KRT24: variants seen among roughly 807,000 people sequenced by gnomAD.
KRT24 encodes keratin 24.
In KRT24, 44 loss-of-function variants were observed where a neutral mutation model predicts 51.7. The ratio of observed to expected loss-of-function variants is 0.85; its 90% CI spans 0.67 to 1.09. KRT24 has a LOEUF of 1.09. Ranked by LOEUF, KRT24 falls within the 50% of genes least tolerant of loss-of-function variation. The pLI is 0.00. For synonymous variants in KRT24, 241 were observed against 249.5 expected, an observed-to-expected ratio of 0.97 and a Z score of 0.32; for missense variants, 633 against 647.0, an observed-to-expected ratio of 0.98 and a Z score of 0.24.
chr17:40,698,177 G>C lies in KRT24; in HGVS notation c.*60C>G. 9.4e-7 allele frequency: 1 copy of C among 1,059,100 alleles called. No individual in the cohort carries two copies. Among genetic ancestry groups the C allele is most frequent in the Non-Finnish European group, 1.5e-6 (1 of 683,904 alleles). 65.6% of individuals were successfully genotyped at this position (1,059,100 alleles called of 1,614,324 possible). A position where few individuals can be genotyped will look rare whatever the true frequency, so the allele number is the denominator to read the frequency against. ...ATGCCTAGATTGATGCCATTTCTTC[G>C]CTTGTGTCCTTCTTGATTTTTTTTT... On this transcript the variant is annotated 3_prime_UTR_variant, in exon 8 of 8. Coordinates refer to ENST00000264651, the MANE Select transcript of KRT24 (RefSeq NM_019016.3).
Position 40,703,063 on chromosome 17 carries a change from G to A in KRT24, c.615+16C>T. The A allele has an allele frequency of 3.8e-6, 6 of 1,558,852 alleles. No individual in the cohort carries two copies. Among genetic ancestry groups the A allele is most frequent in the Non-Finnish European group, 4.3e-6 (5 of 1,155,934 alleles). On this transcript the variant is annotated intron_variant, in intron 1 of 7. Coordinates refer to ENST00000264651, the MANE Select transcript of KRT24 (RefSeq NM_019016.3). Reference sequence around the variant, plus strand: ...AGATCCACAAATAATAGAAACTCAGGCACAGATAGTCTCACCTGGTTTCTG... The same window carrying A: ...AGATCCACAAATAATAGAAACTCAGACACAGATAGTCTCACCTGGTTTCTG...
chr17:40,703,411 C>T lies in KRT24; in HGVS notation c.283G>A (p.Gly95Arg), dbSNP rs143555690. ...TGFGGGSSFG[G>R]VSGFGRGSGF... ...GAACCCCTGCCAAATCCAGAGACCC[C>T]GCCAAAGCTAGAACCCCCACCAAAT... Residue 95 changes from glycine (G) to arginine (R), a missense_variant, in exon 1 of 8, where the codon GGG (glycine) becomes AGG (arginine). Coordinates refer to ENST00000264651, the MANE Select transcript of KRT24 (RefSeq NM_019016.3). The T allele has an allele frequency of 4.8e-5, 77 of 1,608,806 alleles. No homozygotes were observed. Among genetic ancestry groups the T allele is most frequent in the South Asian group, 4.1e-4 (37 of 90,970 alleles).
In KRT24 at chr17:40,703,299, T is replaced by C. The variant is rs1183167275; in HGVS notation, c.395A>G (p.Asp132Gly). The change falls in exon 1 of 8, where the codon GAT becomes GGT. Residue 132 changes from aspartate to glycine, a missense_variant. By Grantham distance (94) the Asp-to-Gly change is moderately conservative (BLOSUM62 -1). Coordinates refer to ENST00000264651, the MANE Select transcript of KRT24 (RefSeq NM_019016.3). ...TTCCCCTCCAGAGAAAAGCCCCCCA[T>C]CGCCAACACCACCTCCCATACCACC... ...YGGGMGGGVG[D>G]GGLFSGGEKQ... The C allele has an allele frequency of 1.9e-6, 3 of 1,613,916 alleles. No homozygotes were observed. The South Asian group carries it at 3.3e-5, about 18-fold the overall frequency.
Position 40,699,620 on chromosome 17 carries a change from G to T in KRT24, c.1185C>A (p.Gly395=). The change falls in exon 6 of 8, where the codon GGC becomes GGA. Residue 395 remains glycine (G), a synonymous_variant. Transcript: ENST00000264651. The stretch of plus-strand genomic sequence containing the variant: ...GAATTTCTGACAGCTGAGCCACGTA[G>T]CCAGCTTCTGTGTCAGCCAGGGTTC... The part of the protein sequence containing the change: ...LEGTLADTEA[G]YVAQLSEIQT... 1.2e-6 allele frequency: 2 copies of T among 1,614,150 alleles called. No individual in the cohort carries two copies.
intron 6 of KRT24, 45 bp from the exon 7 acceptor site, chr17:40,698,695 C>G: frequency 1.0e-6 from 1 of 963,244 alleles, no homozygotes; most frequent in Non-Finnish European, 1.7e-6. Context: ...TTTGCAAAGG[C>G]AGGAGAAAGC....
chr17:40,699,176 C>T (rs1485932187), intron 6 of KRT24, among the ~76,000 whole-genome samples: 1 of 152,118 alleles, frequency 6.6e-6, no homozygotes, highest in Non-Finnish European at 1.5e-5. Context: ...TGTGCCCAGC[C>T]TCCAGCTAAT....
chr17:40,700,479 G>T, intron 3 of KRT24, 96 bp from the exon 4 acceptor site: 1 of 832,952 alleles, frequency 1.2e-6, no homozygotes, highest in South Asian at 2.4e-5. Flanking sequence ...GTAGGACACT[G>T]AAAGGAAAAA....
intron 6 of KRT24, among the ~76,000 whole-genome samples, chr17:40,699,056 T>C (rs1484035427): frequency 6.6e-6 from 1 of 152,104 alleles, no homozygotes; most frequent in Non-Finnish European, 1.5e-5. Context: ...TTTGTATTTT[T>C]AGTAGAGACA....
rs747606384 is a variant in KRT24 at position 40,703,446 on chromosome 17, G to A, written c.248C>T (p.Ser83Phe). The change falls in exon 1 of 8, where the codon TCT (serine) becomes TTT (phenylalanine). Residue 83 changes from serine (S) to phenylalanine (F), a missense_variant. By Grantham distance (155) the Ser-to-Phe change is radical (BLOSUM62 -2). Transcript: ENST00000264651. The part of the protein sequence containing the change: ...VGGGFGGASG[S>F]GTGFGGGSSF... ...AGAACCCCCACCAAATCCTGTCCCAGAGCCTGAAGCTCCCCCAAAACCACC... is the reference window on the plus strand; with the variant it reads ...AGAACCCCCACCAAATCCTGTCCCAAAGCCTGAAGCTCCCCCAAAACCACC... 3 of 1,594,000 alleles carry A rather than the reference G, an allele frequency of 1.9e-6. No homozygotes were observed. Among genetic ancestry groups the A allele is most frequent in the Non-Finnish European group, 2.6e-6 (3 of 1,164,396 alleles).
chr17:40,702,906 G>C (rs773956416), intron 1 of KRT24, among the ~76,000 whole-genome samples, 173 bp downstream of exon 1: 48 of 152,142 alleles, frequency 3.2e-4, no homozygotes, highest in Non-Finnish European at 6.5e-4. Context: ...AAATTAATGT[G>C]ATTGGACATC....
chr17:40,700,158 A>G, intron 4 of KRT24, 35 bp from the exon 5 acceptor site: 1 of 1,614,056 alleles, frequency 6.2e-7, no homozygotes, highest in Non-Finnish European at 8.5e-7. Context: ...TTGTAGGCTG[A>G]TGAAAGGAGC....
Position 40,699,566 on chromosome 17 carries a change from C to T in KRT24, c.1239G>A (p.Glu413=). The change falls in exon 6 of 8, where the codon GAG becomes GAA. Residue 413 remains glutamate, a synonymous_variant. Transcript: ENST00000264651. ...TAGTCTCACCCCAGATCTGGCAGAT[C>T]TCCTCCTCCAGGGCACTGATCTGCG... The part of the protein sequence containing the change: ...IQTQISALEE[E]ICQIWGETKC... 6.2e-7 allele frequency: 1 copy of T among 1,613,814 alleles called. No individual in the cohort carries two copies. Among genetic ancestry groups the T allele is most frequent in the Non-Finnish European group, 8.5e-7 (1 of 1,179,662 alleles).
chr17:40,698,436 G>C (rs968313802), intron 7 of KRT24, 96 bp from the exon 8 acceptor site: 1 of 1,115,974 alleles, frequency 9.0e-7, no homozygotes. Context: ...GTTCTGTCTG[G>C]GTAAGATTAT....
intron 3 of KRT24, 60 bp from the exon 4 acceptor site, chr17:40,700,443 T>A: frequency 7.5e-7 from 1 of 1,334,384 alleles, no homozygotes; most frequent in Non-Finnish European, 1.0e-6. Context: ...CTTCCGAAAA[T>A]GTGCCTAGAC....
At position 40,703,612 on chromosome 17, in the gene KRT24, T is replaced by G. The variant is rs2037711666; in HGVS notation, c.82A>C (p.Ser28Arg). ...CCCAGACCACATCTGCTTCCACTGCTGAAGCTGCTTCCACCAGCAGACACC... is the reference window on the plus strand; with the variant it reads ...CCCAGACCACATCTGCTTCCACTGCGGAAGCTGCTTCCACCAGCAGACACC... ...ARVSAGGSSF[S>R]SGSRCGLGGS... Residue 28 changes from serine (S) to arginine (R), a missense_variant, in exon 1 of 8, where the codon AGC becomes CGC. By Grantham distance (110) the Ser-to-Arg change is moderately radical. Coordinates refer to ENST00000264651, the MANE Select transcript of KRT24 (RefSeq NM_019016.3). 2.5e-6 allele frequency: 4 copies of G among 1,611,918 alleles called. No individual in the cohort carries two copies.
Position 40,701,126 on chromosome 17 carries a change from G to A in KRT24, c.855+14C>T. On this transcript the variant is annotated intron_variant, in intron 3 of 7. Coordinates refer to ENST00000264651, the MANE Select transcript of KRT24 (RefSeq NM_019016.3). Reference sequence around the variant, plus strand: ...TTAGCTAGAGTTATTCGTTTATGTAGAACATGTTCCTACCTCCTCGTGGTT... The same window carrying A: ...TTAGCTAGAGTTATTCGTTTATGTAAAACATGTTCCTACCTCCTCGTGGTT... The A allele has an allele frequency of 1.2e-6, 2 of 1,612,200 alleles. No homozygotes were observed. The highest frequency in any genetic ancestry group is 2.2e-5 in the South Asian group (2 of 90,812).
intron 5 of KRT24, 68 bp from the exon 6 acceptor site, chr17:40,699,729 A>G: frequency 1.4e-6 from 2 of 1,380,036 alleles, no homozygotes; most frequent in South Asian, 1.2e-5. Flanking sequence ...TAAAAATGCA[A>G]TTTTATGTGG....
rs1269097671 is a variant in KRT24 at position 40,698,398 on chromosome 17, G to A, written c.1475-58C>T. The A allele has an allele frequency of 4.7e-6, 6 of 1,278,534 alleles. No individual in the cohort carries two copies. The Admixed American group carries it at 1.0e-4, about 22-fold the overall frequency. The allele number at this position is 1,278,534 out of a possible 1,614,324, so 79.2% of individuals were successfully genotyped here. A position where few individuals can be genotyped will look rare whatever the true frequency, so the allele number is the denominator to read the frequency against. ...AAACTCTCACAGAAACACAGAGCAA[G>A]AGAAATTCAATCACATGCATTCAAC... On this transcript the variant is annotated intron_variant, in intron 7 of 7. Transcript: ENST00000264651.
intron 2 of KRT24, 44 bp from the exon 3 acceptor site, chr17:40,701,340 T>G: frequency 1.3e-6 from 2 of 1,566,312 alleles, no homozygotes; most frequent in Non-Finnish European, 1.7e-6. Context: ...TGAGCTCACC[T>G]GGCCGTGTTT....
Sources: allele counts gnomAD v4.1 joint callset (sites outside exome capture counted in the v4.1 genomes callset), GRCh38; gene constraint gnomAD v4.1.1; transcripts MANE v1.5; gene names NCBI Gene and HGNC (gene_info 2026-07-23, HGNC 2026-07-21).